The following CACNB2 variants were observed in gnomAD, a reference collection of about 807,000 sequenced individuals.
CACNB2 encodes the protein voltage-dependent L-type calcium channel subunit beta-2.
In CACNB2, 42 loss-of-function variants were observed where a neutral mutation model predicts 73.3. That is an observed-to-expected ratio of 0.57 (90% CI 0.45 to 0.74). The LOEUF is 0.74. CACNB2 is among the 30% of genes least tolerant of loss of function. The pLI is 0.00. For missense variants in CACNB2, 940 were observed against 853.0 expected (o/e 1.10, Z -1.27); for synonymous variants, 348 against 310.3 (o/e 1.12, Z -1.28).
At position 18,437,419 on chromosome 10, in the gene CACNB2, T is replaced by C. The variant is rs549369074; in HGVS notation, c.333+35376T>C. On this transcript the variant is annotated intron_variant, in intron 3 of 13. Transcript: ENST00000324631. The stretch of plus-strand genomic sequence containing the variant: ...CCTAAAAAAACCAAATAGCGTATCG[T>C]TGACCCAAAGCTTTACCAATATCAT... Among the ~76,000 whole-genome samples, 7 of 152,322 alleles carry C rather than the reference T, an allele frequency of 4.6e-5. No homozygotes were observed. In the South Asian group the frequency reaches 8.3e-4, roughly 18 times the overall value.
At chr10:18,216,817 A>C (rs1311497661) in intron 2 of CACNB2, among the ~76,000 whole-genome samples, 1 of 152,196 alleles carries the variant, frequency 6.6e-6, no homozygotes, top group African/African-American at 2.4e-5. Context: ...ATTCCTTAAA[A>C]GCAAGCATAA....
At chr10:18,321,380 A>G (rs773506234) in intron 2 of CACNB2, among the ~76,000 whole-genome samples, 9 of 152,160 alleles carry the variant, frequency 5.9e-5, no homozygotes, top group Admixed American at 1.3e-4. Context: ...AATTTAATTT[A>G]TTTCACCAGC....
At position 18,540,602 on chromosome 10, in the gene CACNB2, A is replaced by C. The variant is rs559163355; in HGVS notation, c.*878A>C. 1 of 152,476 alleles carries C rather than the reference A, an allele frequency of 6.6e-6. No individual in the cohort carries two copies. Among genetic ancestry groups the C allele is most frequent in the South Asian group, 2.1e-4 (1 of 4,814 alleles). 9.4% of individuals were successfully genotyped at this position (152,476 alleles called of 1,614,324 possible). A position where few individuals can be genotyped will look rare whatever the true frequency, so the allele number is the denominator to read the frequency against. ...CACCATAAATTATGGTAAATATAAA[A>C]CTCCAGAGGTTGTTCTACTCCATAC... On this transcript the variant is annotated 3_prime_UTR_variant, in exon 14 of 14. Transcript: ENST00000324631.
intron 2 of CACNB2, among the ~76,000 whole-genome samples, chr10:18,284,645 C>T (rs1479467424): frequency 6.6e-6 from 1 of 152,166 alleles, no homozygotes; most frequent in African/African-American, 2.4e-5. Context: ...TGAGTGCATA[C>T]TGATGACAAC....
chr10:18,351,743 A>G (rs575878051), intron 2 of CACNB2, among the ~76,000 whole-genome samples: 120 of 152,364 alleles, frequency 7.9e-4, no homozygotes, highest in Admixed American at 2.6e-3. Flanking sequence ...TAATTACAGA[A>G]TTAGGAAAGT....
rs570872581 is a variant in CACNB2, at chr10:18,379,590, A to C, written c.214-22334A>C. Among the ~76,000 whole-genome samples, 5 of 152,048 alleles carry C rather than the reference A, an allele frequency of 3.3e-5. No individual in the cohort carries two copies. In the South Asian group the frequency reaches 8.3e-4, roughly 25 times the overall value. ...TGTCGTACAACCATCACCACTACCC[A>C]TTTCCAGAACATTTTCGTCTTTCCT... On this transcript the variant is annotated intron_variant, in intron 2 of 13. Coordinates refer to ENST00000324631, the MANE Select transcript of CACNB2 (RefSeq NM_201596.3).
chr10:18,267,036 A>G (rs963836231), intron 2 of CACNB2, among the ~76,000 whole-genome samples: 1 of 152,056 alleles, frequency 6.6e-6, no homozygotes, highest in African/African-American at 2.4e-5. Flanking sequence ...GTGTGTATGT[A>G]TATATATCTG....
intron 6 of CACNB2, among the ~76,000 whole-genome samples, chr10:18,508,333 T>G (rs183281277): frequency 6.6e-6 from 1 of 152,330 alleles, no homozygotes; most frequent in East Asian, 1.9e-4. Flanking sequence ...AGGTATTATG[T>G]GAAACTTATA....
At chr10:18,324,485 C>A (rs2040507934) in intron 2 of CACNB2, among the ~76,000 whole-genome samples, 1 of 152,148 alleles carries the variant, frequency 6.6e-6, no homozygotes, top group African/African-American at 2.4e-5. Flanking sequence ...ATAAATAAGC[C>A]AATTGGGAAG....
intron 2 of CACNB2, among the ~76,000 whole-genome samples, chr10:18,159,677 C>G (rs1293191440): frequency 6.6e-6 from 1 of 152,124 alleles, no homozygotes; most frequent in Non-Finnish European, 1.5e-5. Flanking sequence ...AATGATTAAT[C>G]ACAGAGGCAC....
intron 3 of CACNB2, among the ~76,000 whole-genome samples, chr10:18,409,564 C>G (rs75935235): frequency 0.022 from 3,281 of 152,320 alleles, 112 homozygotes; most frequent in South Asian, 0.12. Flanking sequence ...TGGGCTGAGA[C>G]TCTGTCTGAC....
rs527583556 is a variant in CACNB2, at chr10:18,540,229, G to C, written c.*505G>C. On this transcript the variant is annotated 3_prime_UTR_variant, in exon 14 of 14. Coordinates refer to ENST00000324631, the MANE Select transcript of CACNB2 (RefSeq NM_201596.3). ...GATTCAGTCTTGCCTTACACAAAGG[G>C]GATCATAAAGTTAGAATCTATTTTC... 1 of 173,716 alleles carries C rather than the reference G, an allele frequency of 5.8e-6. No individual in the cohort carries two copies. Among genetic ancestry groups the C allele is most frequent in the Non-Finnish European group, 1.2e-5 (1 of 80,350 alleles). The allele number at this position is 173,716 out of a possible 1,614,324, so 10.8% of individuals were successfully genotyped here. A position where few individuals can be genotyped will look rare whatever the true frequency, so the allele number is the denominator to read the frequency against.
At chr10:18,536,342 C>G (rs1048657488) in intron 12 of CACNB2, 146 bp downstream of exon 12, 2 of 588,068 alleles carry the variant, frequency 3.4e-6, no homozygotes, top group African/African-American at 2.0e-5. Flanking sequence ...CACTGCAGCC[C>G]TGAACTCCCG....
intron 6 of CACNB2, among the ~76,000 whole-genome samples, chr10:18,512,298 T>C (rs2050844498): frequency 6.6e-6 from 1 of 152,148 alleles, no homozygotes; most frequent in Non-Finnish European, 1.5e-5. Context: ...CCAATGTCAT[T>C]TTATTAGACA....
chr10:18,408,231 C>CTTTTTTT lies in CACNB2; in HGVS notation c.333+6207_333+6213dup, dbSNP rs71402161. ...TTAAGGAAACATTCACTATCCCTGA[C>CTTTTTTT]TTTTTTTTTTTTTTTTTTTTTTTTT... is the stretch of plus-strand genomic sequence containing the variant. On this transcript the variant is annotated intron_variant, in intron 3 of 13. Coordinates refer to ENST00000324631, the MANE Select transcript of CACNB2 (RefSeq NM_201596.3). Among the ~76,000 whole-genome samples the CTTTTTTT allele has an allele frequency of 1.1e-3, 83 of 77,994 alleles. 1 individual carries two copies. The highest frequency in any genetic ancestry group is 1.6e-3 in the East Asian group (4 of 2,510). The allele number at this position is 77,994 out of a possible 152,430, so 51.2% of individuals were successfully genotyped here.
At chr10:18,269,870 C>A (rs558425816) in intron 2 of CACNB2, among the ~76,000 whole-genome samples, 1 of 152,294 alleles carries the variant, frequency 6.6e-6, no homozygotes, top group Admixed American at 6.5e-5. Context: ...ATGGTCCTGT[C>A]CCTCTTCTTT....
At chr10:18,261,044 C>A (rs1450103254) in intron 2 of CACNB2, 9 of 1,362,860 alleles carry the variant, frequency 6.6e-6, no homozygotes, top group South Asian at 3.2e-5. Context: ...TCAAATTACG[C>A]CCCCCACCCC....
At chr10:18,159,409 G>C (rs11012839) in intron 2 of CACNB2, among the ~76,000 whole-genome samples, 22,181 of 152,188 alleles carry the variant, frequency 0.15, 1,727 homozygotes, top group South Asian at 0.17. Flanking sequence ...TGGGGTTAAC[G>C]GGGAAGAACT....
intron 3 of CACNB2, among the ~76,000 whole-genome samples, chr10:18,412,356 G>T (rs1434586944): frequency 6.6e-6 from 1 of 152,164 alleles, no homozygotes; most frequent in Admixed American, 6.5e-5. Flanking sequence ...CCCTTTGGAA[G>T]AAGAAATATC....
Sources: gnomAD v4.1 joint callset for allele counts (sites outside exome capture counted in the v4.1 genomes callset) on GRCh38, gnomAD v4.1.1 for gene constraint, MANE v1.5 for transcripts, NCBI Gene and HGNC (gene_info 2026-07-23, HGNC 2026-07-21) for gene names.